CLEC16A: variants seen among roughly 807,000 people sequenced by gnomAD.
CLEC16A encodes C-type lectin domain containing 16A.
Under a neutral mutation model 109.5 loss-of-function variants are expected in CLEC16A, and 51 were observed. The ratio of observed to expected loss-of-function variants is 0.47; its 90% CI spans 0.37 to 0.59. CLEC16A has a LOEUF of 0.59. CLEC16A is among the 20% of genes least tolerant of loss of function. The pLI is 0.00. For synonymous variants in CLEC16A, 673 were observed against 564.2 expected, an observed-to-expected ratio of 1.19 and a Z score of -2.73; for missense variants, 1,339 against 1,394.0, an observed-to-expected ratio of 0.96 and a Z score of 0.63.
intron 19 of CLEC16A, among the ~76,000 whole-genome samples, chr16:11,104,285 T>TA (rs3030572): frequency 1.1e-4 from 16 of 150,152 alleles, no homozygotes; most frequent in East Asian, 9.8e-4. Context: ...ATTTTTTTTT[T>TA]ATTAAAATTA....
At chr16:11,134,767 T>G (rs550378996) in intron 22 of CLEC16A, among the ~76,000 whole-genome samples, 5 of 152,282 alleles carry the variant, frequency 3.3e-5, no homozygotes, top group Non-Finnish European at 7.3e-5. Flanking sequence ...CTGCAATGAC[T>G]GAGCTACTTC....
chr16:11,095,802 ACT>A (rs770382490), intron 19 of CLEC16A, among the ~76,000 whole-genome samples: 22 of 143,070 alleles, frequency 1.5e-4, no homozygotes, highest in Non-Finnish European at 2.7e-4. Flanking sequence ...ACATAGCAAA[ACT>A]CTGTCTCAAA....
intron 22 of CLEC16A, among the ~76,000 whole-genome samples, chr16:11,129,417 T>G (rs1425152212): frequency 6.6e-6 from 1 of 152,270 alleles, no homozygotes; most frequent in Non-Finnish European, 1.5e-5. Context: ...AGAAGACATC[T>G]GGATTCTCCT....
At chr16:11,042,663 T>A (rs576416483) in intron 15 of CLEC16A, among the ~76,000 whole-genome samples, 61 of 152,300 alleles carry the variant, frequency 4.0e-4, no homozygotes, top group African/African-American at 1.3e-3. Flanking sequence ...TTACAAAAGT[T>A]TTTTTGCACA....
intron 10 of CLEC16A, among the ~76,000 whole-genome samples, chr16:10,984,594 T>C (rs991729059): frequency 1.3e-5 from 2 of 152,220 alleles, no homozygotes; most frequent in African/African-American, 4.8e-5. Flanking sequence ...GTGAGAGGCT[T>C]TGGCCTAGAG....
chr16:11,097,919 A>T (rs1050739612), intron 19 of CLEC16A, among the ~76,000 whole-genome samples: 1 of 152,208 alleles, frequency 6.6e-6, no homozygotes, highest in African/African-American at 2.4e-5. Flanking sequence ...TTGTCTCCTC[A>T]GCTGGCCCAC....
chr16:10,964,459 G>A (rs1012844249), intron 3 of CLEC16A, among the ~76,000 whole-genome samples: 13 of 152,220 alleles, frequency 8.5e-5, no homozygotes, highest in Admixed American at 5.9e-4. Context: ...TGAAGGCTCC[G>A]AGCTGCTGTT....
chr16:11,100,679 A>G (rs528688363), intron 19 of CLEC16A, among the ~76,000 whole-genome samples: 11 of 152,284 alleles, frequency 7.2e-5, no homozygotes, highest in African/African-American at 2.2e-4. Context: ...TCTCATGTGT[A>G]ATGTGCAGAT....
chr16:11,015,176 A>G (rs779421187), intron 11 of CLEC16A, among the ~76,000 whole-genome samples: 2 of 152,220 alleles, frequency 1.3e-5, no homozygotes, highest in Non-Finnish European at 2.9e-5. Flanking sequence ...CATCTAGAAA[A>G]TTAAGTGGAG....
chr16:10,967,002 T>G (rs1260085872), intron 3 of CLEC16A, among the ~76,000 whole-genome samples: 1 of 152,204 alleles, frequency 6.6e-6, no homozygotes, highest in Non-Finnish European at 1.5e-5. Context: ...AGATTCTGCC[T>G]TAGACCCATT....
At chr16:11,025,295 C>T (rs2046346405) in intron 13 of CLEC16A, among the ~76,000 whole-genome samples, 1 of 152,132 alleles carries the variant, frequency 6.6e-6, no homozygotes, top group Admixed American at 6.5e-5. Context: ...CTTGGTTTTG[C>T]TATTTATAAC....
chr16:11,098,469 G>A (rs545636950), intron 19 of CLEC16A, among the ~76,000 whole-genome samples: 1 of 152,364 alleles, frequency 6.6e-6, no homozygotes, highest in Admixed American at 6.5e-5. Context: ...AGCCTCTTCA[G>A]TAAGGAGACG....
chr16:11,111,770 TTTCTC>T (rs1363693399), intron 19 of CLEC16A, among the ~76,000 whole-genome samples: 2 of 152,234 alleles, frequency 1.3e-5, no homozygotes, highest in Non-Finnish European at 2.9e-5. Context: ...TAAATGGTCT[TTTCTC>T]CTCTAATCAG....
At chr16:11,113,265 CAT>C in intron 19 of CLEC16A, among the ~76,000 whole-genome samples, 1 of 152,340 alleles carries the variant, frequency 6.6e-6, no homozygotes, top group African/African-American at 2.4e-5. Context: ...GGCTGGGCCT[CAT>C]AAAGACCTGA....
chr16:11,024,861 G>A lies in CLEC16A; in HGVS notation c.1477G>A (p.Asp493Asn), dbSNP rs2046322544. The change falls in exon 13 of 24, where the codon GAT becomes AAT. Residue 493 changes from aspartate (D) to asparagine (N), a missense_variant. By Grantham distance (23) the Asp-to-Asn change is conservative. Coordinates refer to ENST00000409790, the MANE Select transcript of CLEC16A (RefSeq NM_015226.3). ...GGTGTACCACGCGCTGGACAGCCCGGATGATGATTACCATGCCCTGTTCGT... is the reference window on the plus strand; with the variant it reads ...GGTGTACCACGCGCTGGACAGCCCGAATGATGATTACCATGCCCTGTTCGT... ...DMVYHALDSP[D>N]DDYHALFVLC... The A allele has an allele frequency of 6.2e-7, 1 of 1,609,542 alleles. No homozygotes were observed.
At chr16:10,972,385 G>A in intron 5 of CLEC16A, 169 bp from the exon 6 acceptor site, 1 of 620,484 alleles carries the variant, frequency 1.6e-6, no homozygotes, top group Admixed American at 2.9e-5. Context: ...GCTGCCTCCT[G>A]CTCTGTTTTC....
intron 9 of CLEC16A, among the ~76,000 whole-genome samples, chr16:10,980,112 G>T (rs2043235570): frequency 6.6e-6 from 1 of 152,220 alleles, no homozygotes; most frequent in Non-Finnish European, 1.5e-5. Flanking sequence ...CAATGGCACA[G>T]GTATTTATTT....
rs556658705 is a variant in CLEC16A, at chr16:11,042,437, A to G, written c.1770+74A>G. The G allele has an allele frequency of 3.2e-4, 386 of 1,222,212 alleles. 5 individuals are homozygous for G. In the South Asian group the frequency reaches 4.8e-3, roughly 15 times the overall value. 75.7% of individuals were successfully genotyped at this position (1,222,212 alleles called of 1,614,324 possible). A position where few individuals can be genotyped will look rare whatever the true frequency, so the allele number is the denominator to read the frequency against. On this transcript the variant is annotated intron_variant, in intron 15 of 23. Coordinates refer to ENST00000409790, the MANE Select transcript of CLEC16A (RefSeq NM_015226.3). ...GGAGGACAGGAGGGAAGCTGCTGGCATCCAGATAGGAGCCCTGGCCCGTGG... is the reference window on the plus strand; with the variant it reads ...GGAGGACAGGAGGGAAGCTGCTGGCGTCCAGATAGGAGCCCTGGCCCGTGG...
intron 1 of CLEC16A, among the ~76,000 whole-genome samples, chr16:10,947,343 G>GGAGTTTGC (rs200794794): frequency 0.016 from 2,480 of 152,282 alleles, 62 homozygotes; most frequent in African/African-American, 0.056. Flanking sequence ...GTTCCCTGAG[G>GGAGTTTGC]GAGTTTGCAG....
Sources: gnomAD v4.1 joint callset for allele counts (sites outside exome capture counted in the v4.1 genomes callset) on GRCh38, gnomAD v4.1.1 for gene constraint, MANE v1.5 for transcripts, NCBI Gene and HGNC (gene_info 2026-07-23, HGNC 2026-07-21) for gene names.